LAPTM4B: variants seen among roughly 807,000 people sequenced by gnomAD.
LAPTM4B encodes lysosomal protein transmembrane 4 beta.
In LAPTM4B, 26 loss-of-function variants were observed where a neutral mutation model predicts 28.5. The ratio of observed to expected loss-of-function variants is 0.91; its 90% CI spans 0.67 to 1.27. LAPTM4B has a LOEUF of 1.27. Ranked by LOEUF, LAPTM4B falls within the 50% of genes most tolerant of loss-of-function variation. The probability of loss-of-function intolerance (pLI) is 0.00; values close to 1 mark genes in which losing one functional copy is unlikely to be tolerated. For missense variants in LAPTM4B, 288 were observed against 285.8 expected, an observed-to-expected ratio of 1.01 and a Z score of -0.06; for synonymous variants, 109 against 106.4, an observed-to-expected ratio of 1.02 and a Z score of -0.15.
Position 97,775,991 on chromosome 8 carries a change from C to G in LAPTM4B, c.-19C>G. 6.4e-7 allele frequency: 1 copy of G among 1,564,616 alleles called. No individual in the cohort carries two copies. The highest frequency in any genetic ancestry group is 8.6e-7 in the Non-Finnish European group (1 of 1,162,342). On this transcript the variant is annotated 5_prime_UTR_variant, in exon 1 of 7. Coordinates refer to ENST00000521545, the MANE Select transcript of LAPTM4B (RefSeq NM_018407.6). The stretch of plus-strand genomic sequence containing the variant: ...TCCTGAAAACTTGCGCGCGCGCTCG[C>G]GCCACTGCGCCCGGAGCGATGAAGA...
chr8:97,778,857 G>A (rs913244120), intron 1 of LAPTM4B, among the ~76,000 whole-genome samples: 2 of 152,018 alleles, frequency 1.3e-5, no homozygotes, highest in East Asian at 3.8e-4. Context: ...TCCTGAATTC[G>A]TCTCAGAGTG....
At chr8:97,840,789 CGGT>C (rs1166073883) in intron 6 of LAPTM4B, among the ~76,000 whole-genome samples, 8 of 150,382 alleles carry the variant, frequency 5.3e-5, no homozygotes, top group Admixed American at 2.6e-4. Flanking sequence ...ACTTCCCAGA[CGGT>C]GGGGCGGCCG....
At chr8:97,828,661 G>GT (rs1817130889) in intron 6 of LAPTM4B, among the ~76,000 whole-genome samples, 1 of 152,202 alleles carries the variant, frequency 6.6e-6, no homozygotes, top group Non-Finnish European at 1.5e-5. Context: ...TTTTTCAGCA[G>GT]TAAGCAGATT....
chr8:97,803,612 A>G (rs1816721619), intron 1 of LAPTM4B, among the ~76,000 whole-genome samples: 1 of 152,074 alleles, frequency 6.6e-6, no homozygotes, highest in Non-Finnish European at 1.5e-5. Context: ...TAAAACATTT[A>G]CACTTCCTTT....
In LAPTM4B at chr8:97,798,762, C is replaced by CT. The variant is rs145181035; in HGVS notation, c.100-6590dup. On this transcript the variant is annotated intron_variant, in intron 1 of 6. Coordinates refer to ENST00000521545, the MANE Select transcript of LAPTM4B (RefSeq NM_018407.6). ...AGAGGGCAGAAAGGCATGTAAGTATCTGACAGCATCAGGCTGTCAGAACTC... is the reference window on the plus strand; with the variant it reads ...AGAGGGCAGAAAGGCATGTAAGTATCTTGACAGCATCAGGCTGTCAGAACTC... Among the ~76,000 whole-genome samples, 1,194 of 152,268 alleles carry CT rather than the reference C, an allele frequency of 7.8e-3. 19 individuals are homozygous for CT. Among genetic ancestry groups the CT allele is most frequent in the African/African-American group, 0.027 (1,103 of 41,544 alleles).
At chr8:97,803,209 GA>G (rs1816714590) in intron 1 of LAPTM4B, among the ~76,000 whole-genome samples, 1 of 147,290 alleles carries the variant, frequency 6.8e-6, no homozygotes, top group African/African-American at 2.5e-5. Flanking sequence ...AAAAAAAAAA[GA>G]AAAAAAGTTA....
chr8:97,790,741 A>T (rs1481152181), intron 1 of LAPTM4B, among the ~76,000 whole-genome samples: 1 of 152,002 alleles, frequency 6.6e-6, no homozygotes, highest in Non-Finnish European at 1.5e-5. Flanking sequence ...CACTGCGCCC[A>T]GCTGGTTTTG....
At position 97,815,365 on chromosome 8, in the gene LAPTM4B, C is replaced by T. The variant is rs762705807; in HGVS notation, c.249C>T (p.Ile83=). The T allele has an allele frequency of 2.5e-6, 4 of 1,613,942 alleles. No individual in the cohort carries two copies. Among genetic ancestry groups the T allele is most frequent in the Non-Finnish European group, 3.4e-6 (4 of 1,179,890 alleles). The change falls in exon 3 of 7, where the codon ATC becomes ATT. Residue 83 remains isoleucine, a synonymous_variant. Transcript: ENST00000521545. The part of the protein sequence containing the change: ...CIAIAISLLM[I]LICAMATYGA... ...CCATTGCGATTTCTCTTCTCATGAT[C>T]CTGATATGTGCTATGGCTACTTACG...
intron 6 of LAPTM4B, among the ~76,000 whole-genome samples, chr8:97,830,029 C>T (rs1204649699): frequency 6.6e-6 from 1 of 151,940 alleles, no homozygotes; most frequent in Non-Finnish European, 1.5e-5. Context: ...AGAAGATGTT[C>T]GGGAGGGTAA....
intron 6 of LAPTM4B, among the ~76,000 whole-genome samples, chr8:97,835,052 C>A (rs181318498): frequency 5.9e-5 from 9 of 152,356 alleles, no homozygotes; most frequent in African/African-American, 2.2e-4. Context: ...TGATCTAGAT[C>A]TGTCATTTTC....
rs535108379 is a variant in LAPTM4B at position 97,817,161 on chromosome 8, G to T, written c.408+981G>T. Among the ~76,000 whole-genome samples the T allele has an allele frequency of 3.3e-5, 5 of 151,978 alleles. No individual in the cohort carries two copies. The East Asian group carries it at 9.7e-4, about 29-fold the overall frequency. ...ATAACTTTATTTATTTTTGGGACAG[G>T]GTCTCTGTCACCCAGGCTGGAGTGC... On this transcript the variant is annotated intron_variant, in intron 4 of 6. Transcript: ENST00000521545.
At chr8:97,831,685 G>C (rs961949701) in intron 6 of LAPTM4B, among the ~76,000 whole-genome samples, 2 of 152,208 alleles carry the variant, frequency 1.3e-5, no homozygotes, top group Non-Finnish European at 2.9e-5. Flanking sequence ...AGGACTGGTA[G>C]AACAGGTTTT....
chr8:97,841,417 T>G (rs1817348043), intron 6 of LAPTM4B, among the ~76,000 whole-genome samples: 1 of 152,236 alleles, frequency 6.6e-6, no homozygotes, highest in Non-Finnish European at 1.5e-5. Flanking sequence ...AACCTCCACC[T>G]CCTGGGTTCA....
At position 97,820,671 on chromosome 8, in the gene LAPTM4B, G is replaced by A. The variant is rs539373585; in HGVS notation, c.507+1433G>A. ...TTGTTTGAGCTGGGAGTGTGAGGCT[G>A]TAGTGTGCTATGATAGCAGCACTGT... On this transcript the variant is annotated intron_variant, in intron 5 of 6. Coordinates refer to ENST00000521545, the MANE Select transcript of LAPTM4B (RefSeq NM_018407.6). Among the ~76,000 whole-genome samples, 23 of 152,130 alleles carry A rather than the reference G, an allele frequency of 1.5e-4. No individual in the cohort carries two copies. The South Asian group carries it at 4.8e-3, about 32-fold the overall frequency.
chr8:97,830,455 GC>G (rs1159730565), intron 6 of LAPTM4B, among the ~76,000 whole-genome samples: 6 of 152,136 alleles, frequency 3.9e-5, no homozygotes, highest in Non-Finnish European at 7.4e-5. Context: ...CAAAAGCAGG[GC>G]ATTTAGAAGT....
Position 97,780,682 on chromosome 8 carries a change from G to T in LAPTM4B, c.99+4574G>T, listed in dbSNP as rs370237651. 2.2e-3 allele frequency among the ~76,000 whole-genome samples: 336 copies of T among 152,234 alleles called. 16 individuals are homozygous for T. The South Asian group carries it at 0.068, about 31-fold the overall frequency. On this transcript the variant is annotated intron_variant, in intron 1 of 6. Transcript: ENST00000521545. ...ACAGATGAGAAAACTGAGGCTTAGA[G>T]AACTTTGGTGATTTACTTGAGAGCT... is the stretch of plus-strand genomic sequence containing the variant.
intron 6 of LAPTM4B, among the ~76,000 whole-genome samples, chr8:97,839,926 G>A (rs1259990505): frequency 6.6e-6 from 1 of 152,194 alleles, no homozygotes; most frequent in Non-Finnish European, 1.5e-5. Flanking sequence ...GAGTAGGGGA[G>A]GCAGGTGAAA....
At chr8:97,802,983 G>A (rs1412770276) in intron 1 of LAPTM4B, among the ~76,000 whole-genome samples, 4 of 151,874 alleles carry the variant, frequency 2.6e-5, no homozygotes, top group African/African-American at 7.3e-5. Flanking sequence ...GGTGGATCAC[G>A]AGATCAGGAG....
intron 1 of LAPTM4B, among the ~76,000 whole-genome samples, chr8:97,804,561 G>A (rs1460928089): frequency 2.0e-5 from 3 of 152,168 alleles, no homozygotes; most frequent in Non-Finnish European, 4.4e-5. Context: ...TGTATAACAT[G>A]GGAATAATTT....
Sources: allele counts gnomAD v4.1 joint callset (sites outside exome capture counted in the v4.1 genomes callset), GRCh38; gene constraint gnomAD v4.1.1; transcripts MANE v1.5; gene names NCBI Gene and HGNC (gene_info 2026-07-23, HGNC 2026-07-21).